Variants in PDE4C observed in about 807,000 individuals in gnomAD.
The protein encoded by PDE4C is phosphodiesterase 4C, also known as 3',5'-cyclic-AMP phosphodiesterase 4C.
Under a neutral mutation model 63.9 loss-of-function variants are expected in PDE4C, and 50 were observed. That is an observed-to-expected ratio of 0.78 (90% CI 0.62 to 0.99). PDE4C has a LOEUF of 0.99. Ranked by LOEUF, PDE4C falls within the 50% of genes least tolerant of loss-of-function variation. The probability of loss-of-function intolerance (pLI) is 0.00; values close to 1 mark genes in which losing one functional copy is unlikely to be tolerated. For synonymous variants in PDE4C, 377 were observed against 385.1 expected, an observed-to-expected ratio of 0.98 and a Z score of 0.25; for missense variants, 777 against 899.1, an observed-to-expected ratio of 0.86 and a Z score of 1.74.
intron 1 of PDE4C, among the ~76,000 whole-genome samples, chr19:18,247,637 C>T (rs1323204920): frequency 6.6e-6 from 1 of 152,156 alleles, no homozygotes; most frequent in Admixed American, 6.5e-5. Context: ...GGGATCTCCC[C>T]ACCATGGCCT....
At chr19:18,254,799 A>G in the PDE4C span, among the ~76,000 whole-genome samples, 1 of 152,212 alleles carries the variant, frequency 6.6e-6, no homozygotes, top group South Asian at 2.1e-4. Flanking sequence ...GAATTAAGTC[A>G]GACACCCAGA....
upstream of PDE4C, among the ~76,000 whole-genome samples, chr19:18,235,882 C>T (rs555322177): frequency 2.2e-4 from 34 of 151,954 alleles, no homozygotes; most frequent in African/African-American, 6.5e-4. Context: ...TGCCCTTCCC[C>T]GCACTCCCAC....
exon 1 of PDE4C, chr19:18,233,509 T>C (rs1018598561): frequency 3.3e-6 from 2 of 609,590 alleles, no homozygotes; most frequent in African/African-American, 1.8e-5. Flanking sequence ...CCGTCCCCTA[T>C]AGCGCTGCAT....
chr19:18,221,097 C>CA lies in PDE4C; in HGVS notation c.449+7_449+8insT. The CA allele has an allele frequency of 1.3e-6, 2 of 1,580,964 alleles. No individual in the cohort carries two copies. Among genetic ancestry groups the CA allele is most frequent in the Non-Finnish European group, 1.7e-6 (2 of 1,167,476 alleles). ...CCCCGCCCCCGCCCCGCCCCGCCCT[C>CA]TACCTACTTGGCTGCTCCTAGGCAT... On this transcript the variant is annotated splice_region_variant and intron_variant, in intron 4 of 14. Transcript: ENST00000262805.
rs576997486 is a variant in PDE4C, at chr19:18,220,598, G to C, written c.500-83C>G. The C allele has an allele frequency of 4.9e-5, 62 of 1,254,676 alleles. No homozygotes were observed. The African/African-American group carries it at 7.9e-4, about 16-fold the overall frequency. 77.7% of individuals were successfully genotyped at this position (1,254,676 alleles called of 1,614,324 possible). On this transcript the variant is annotated intron_variant, in intron 5 of 14. Coordinates refer to ENST00000262805, the Ensembl canonical transcript of PDE4C. This position sits in a 1 kb window ranked among gnomAD's most constrained non-coding sequence, Gnocchi z 5.1. ...TCTCGCGACTTCGTCTCTTCATCTG[G>C]ACCCTGAAACTGTTCCCACGGGGGC...
chr19:18,224,582 G>C, intron 1 of PDE4C: 3 of 910,466 alleles, frequency 3.3e-6, no homozygotes, highest in Non-Finnish European at 3.9e-6. Flanking sequence ...ATAAGTTCGA[G>C]CTTGTTCGCC....
chr19:18,219,113 C>T, intron 8 of PDE4C, 75 bp from the exon 9 acceptor site: 2 of 1,576,596 alleles, frequency 1.3e-6, no homozygotes, highest in East Asian at 2.2e-5. Flanking sequence ...ATCCTCCCAC[C>T]CCAGGTTCCA....
chr19:18,231,312 A>G (rs751073889), upstream of PDE4C, among the ~76,000 whole-genome samples: 2 of 152,222 alleles, frequency 1.3e-5, no homozygotes, highest in Non-Finnish European at 2.9e-5. Context: ...GGGACACCCA[A>G]TCCACCGCTC....
At chr19:18,224,394 G>C in intron 1 of PDE4C, 1 of 985,596 alleles carries the variant, frequency 1.0e-6, no homozygotes, top group Non-Finnish European at 1.2e-6. Flanking sequence ...CACGAGCTGG[G>C]TCGGCACCCC....
At chr19:18,218,904 G>T in intron 9 of PDE4C, 36 bp downstream of exon 9, 1 of 1,436,718 alleles carries the variant, frequency 7.0e-7, no homozygotes, top group Non-Finnish European at 9.8e-7. Context: ...GAAACCCCAG[G>T]AGTTTTTCCT....
intron 12 of PDE4C, among the ~76,000 whole-genome samples, chr19:18,216,260 C>G (rs1968191003): frequency 6.6e-6 from 1 of 150,786 alleles, no homozygotes; most frequent in Non-Finnish European, 1.5e-5. Context: ...GTCACTAGCC[C>G]CTTTTTTTTT....
intron 1 of PDE4C, chr19:18,224,573 T>C (rs969734345): frequency 1.1e-6 from 1 of 939,290 alleles, no homozygotes; most frequent in Non-Finnish European, 1.3e-6. Flanking sequence ...AGACTTCGGA[T>C]AAGTTCGAGC....
downstream of PDE4C, chr19:18,209,699 T>C (rs1355456451): frequency 2.0e-5 from 2 of 98,002 alleles, no homozygotes; most frequent in Non-Finnish European, 4.4e-5. Flanking sequence ...TTTTTTTTTT[T>C]CTTTTCTTTT....
At chr19:18,238,088 C>A (rs981881140), upstream of PDE4C, among the ~76,000 whole-genome samples, 2 of 151,542 alleles carry the variant, frequency 1.3e-5, no homozygotes, top group Non-Finnish European at 2.9e-5. Flanking sequence ...AGCCAGGCAT[C>A]GTGGTGTATG....
At chr19:18,248,085 T>C in intron 1 of PDE4C, 1 of 437,686 alleles carries the variant, frequency 2.3e-6, no homozygotes, top group South Asian at 1.6e-5. Flanking sequence ...TTCAGGGGGA[T>C]TACGAGACCC....
intron 11 of PDE4C, 149 bp downstream of exon 11, chr19:18,218,000 G>A (rs1002744583): frequency 1.2e-5 from 8 of 648,666 alleles, no homozygotes; most frequent in Non-Finnish European, 2.2e-5. Context: ...CCTGCTCCAA[G>A]ACCCTGAAGG....
upstream of PDE4C, chr19:18,250,494 C>T (rs1443969385): frequency 5.0e-6 from 2 of 398,906 alleles, no homozygotes; most frequent in African/African-American, 2.1e-5. Context: ...AACTCAGAGT[C>T]AGCACTGGGT....
upstream of PDE4C, among the ~76,000 whole-genome samples, chr19:18,235,638 C>A (rs1014121853): frequency 2.0e-5 from 3 of 152,104 alleles, no homozygotes; most frequent in Admixed American, 6.6e-5. Flanking sequence ...GTCAGTGCTC[C>A]ACAACAGCAA....
exon 15 of PDE4C, chr19:18,210,828 G>T: frequency 1.3e-6 from 2 of 1,500,148 alleles, no homozygotes; most frequent in Non-Finnish European, 1.8e-6. Flanking sequence ...GGGTGGGAAA[G>T]TGAAGCAGGA....
Sources: gnomAD v4.1 joint callset for allele counts (sites outside exome capture counted in the v4.1 genomes callset) on GRCh38, gnomAD v4.1.1 for gene constraint, Gnocchi (gnomAD v3.1) non-coding constraint, MANE v1.5 for transcripts, NCBI Gene and HGNC (gene_info 2026-07-23, HGNC 2026-07-21) for gene names.